Variants in DCAF10 observed in about 807,000 individuals in gnomAD.
The protein encoded by DCAF10 is DDB1- and CUL4-associated factor 10.
Under a neutral mutation model 51.9 loss-of-function variants are expected in DCAF10, and 19 were observed. That is an observed-to-expected ratio of 0.37 (90% CI 0.26 to 0.54). DCAF10 has a LOEUF of 0.54. Ranked by LOEUF, DCAF10 falls within the 20% of genes least tolerant of loss-of-function variation. The probability of loss-of-function intolerance (pLI) is 0.87; values close to 1 mark genes in which losing one functional copy is unlikely to be tolerated. For missense variants in DCAF10, 510 were observed against 730.6 expected, an observed-to-expected ratio of 0.70 and a Z score of 3.48; for synonymous variants, 291 against 297.1, an observed-to-expected ratio of 0.98 and a Z score of 0.21.
intron 2 of DCAF10, among the ~76,000 whole-genome samples, chr9:37,838,438 T>TA (rs77435703): frequency 0.19 from 29,094 of 151,944 alleles, 3,195 homozygotes; most frequent in African/African-American, 0.29. Context: ...AAACTTACAT[T>TA]AAAAAAATCT....
At position 37,825,111 on chromosome 9, in the gene DCAF10, G is replaced by A. The variant is rs935800947; in HGVS notation, c.653+5710G>A. On this transcript the variant is annotated intron_variant, in intron 2 of 6. Transcript: ENST00000377724. The stretch of plus-strand genomic sequence containing the variant: ...AAAATACAGATGCTGGTGAGGTTAC[G>A]GAGAAAAAGGAACACCTATACACTG... Among the ~76,000 whole-genome samples the A allele has an allele frequency of 5.9e-5, 9 of 152,146 alleles. No homozygotes were observed. The East Asian group carries it at 9.6e-4, about 16-fold the overall frequency.
In DCAF10 at chr9:37,817,178, C is replaced by A. The variant is rs141825465; in HGVS notation, c.540-2110C>A. ...CAGCAATAAACAAAGCAATATGTAT[C>A]TTTTAAAAAAATATGTATATTTTAA... On this transcript the variant is annotated intron_variant, in intron 1 of 6. Coordinates refer to ENST00000377724, the MANE Select transcript of DCAF10 (RefSeq NM_024345.5). Among the ~76,000 whole-genome samples the A allele has an allele frequency of 1.2e-4, 18 of 152,208 alleles. No homozygotes were observed. In the East Asian group the frequency reaches 3.1e-3, roughly 26 times the overall value.
At chr9:37,853,271 G>C (rs1830742243) in intron 3 of DCAF10, among the ~76,000 whole-genome samples, 1 of 150,542 alleles carries the variant, frequency 6.6e-6, no homozygotes, top group South Asian at 2.1e-4. Flanking sequence ...CCCAGGCATG[G>C]GTGTGGTGGT....
At chr9:37,827,652 C>T (rs926421139) in intron 2 of DCAF10, among the ~76,000 whole-genome samples, 25 of 152,142 alleles carry the variant, frequency 1.6e-4, no homozygotes, top group African/African-American at 6.0e-4. Context: ...GGCTTTTACC[C>T]TGGAGGCTTC....
Position 37,861,070 on chromosome 9 carries a change from A to T in DCAF10, c.1312-70A>T. 2 of 1,505,548 alleles carry T rather than the reference A, an allele frequency of 1.3e-6. No individual in the cohort carries two copies. Among genetic ancestry groups the T allele is most frequent in the South Asian group, 1.3e-5 (1 of 74,886 alleles). 93.3% of individuals were successfully genotyped at this position (1,505,548 alleles called of 1,614,324 possible). A position where few individuals can be genotyped will look rare whatever the true frequency, so the allele number is the denominator to read the frequency against. On this transcript the variant is annotated intron_variant, in intron 6 of 6. Transcript: ENST00000377724. This position sits in a 1 kb window ranked among gnomAD's most constrained non-coding sequence, Gnocchi z 4.9. ...GCTTTGGCAATCTGTTGAGCTTTTT[A>T]AAAATAAGGAATATCTGTAGCACTA...
chr9:37,805,223 T>C (rs1829075930), intron 1 of DCAF10, among the ~76,000 whole-genome samples: 1 of 152,220 alleles, frequency 6.6e-6, no homozygotes, highest in Non-Finnish European at 1.5e-5. Flanking sequence ...GGTTTATGCC[T>C]GTAATCCCAG....
Position 37,825,705 on chromosome 9 carries a change from A to G in DCAF10, c.653+6304A>G, listed in dbSNP as rs573821817. 3.0e-3 allele frequency among the ~76,000 whole-genome samples: 459 copies of G among 152,236 alleles called. 3 individuals are homozygous for G. The highest frequency in any genetic ancestry group is 0.011 in the African/African-American group (440 of 41,546). On this transcript the variant is annotated intron_variant, in intron 2 of 6. Transcript: ENST00000377724. ...GTTTAGCTATATAACAAACCTACAC[A>G]TGTACCCCTGAACTTAAAAATTTAA...
chr9:37,815,711 A>C (rs186043930), intron 1 of DCAF10, among the ~76,000 whole-genome samples: 2,217 of 151,762 alleles, frequency 0.015, 25 homozygotes, highest in Middle Eastern at 0.037. Flanking sequence ...TCAACCAAAA[A>C]CCCCAAATAA....
At chr9:37,855,031 CAT>C in intron 4 of DCAF10, 49 bp downstream of exon 4, 3 of 1,507,180 alleles carry the variant, frequency 2.0e-6, no homozygotes, top group Non-Finnish European at 2.7e-6. Flanking sequence ...GAATCTCAAA[CAT>C]AGAGATGGTA....
Position 37,801,425 on chromosome 9 carries a change from GGGC to G in DCAF10, c.539+23_539+25del. The stretch of plus-strand genomic sequence containing the variant: ...CGACGGGTAAGCGCGGCCCCTCGGA[GGGC>G]GGGCGCCCGCCTCCGCCCGGCTCTG... On this transcript the variant is annotated intron_variant, in intron 1 of 6. Transcript: ENST00000377724. This position sits in a 1 kb window ranked among gnomAD's most constrained non-coding sequence, Gnocchi z 5.5. The G allele has an allele frequency of 7.0e-7, 1 of 1,431,654 alleles. No individual in the cohort carries two copies. Among genetic ancestry groups the G allele is most frequent in the South Asian group, 1.6e-5 (1 of 64,468 alleles). The allele number at this position is 1,431,654 out of a possible 1,614,324, so 88.7% of individuals were successfully genotyped here. A position where few individuals can be genotyped will look rare whatever the true frequency, so the allele number is the denominator to read the frequency against.
At chr9:37,854,593 C>T (rs942530855) in intron 3 of DCAF10, among the ~76,000 whole-genome samples, 187 bp from the exon 4 acceptor site, 2 of 152,150 alleles carry the variant, frequency 1.3e-5, no homozygotes, top group African/African-American at 2.4e-5. Context: ...TTACTATTAA[C>T]CGTCATCACC....
At chr9:37,802,809 A>G (rs922500521) in intron 1 of DCAF10, among the ~76,000 whole-genome samples, 1 of 152,220 alleles carries the variant, frequency 6.6e-6, no homozygotes, top group Non-Finnish European at 1.5e-5. Flanking sequence ...AAACTTATTC[A>G]TGGAACCTCG....
Position 37,842,166 on chromosome 9 carries a change from C to A in DCAF10, c.731C>A (p.Thr244Asn). 6.2e-7 allele frequency: 1 copy of A among 1,613,872 alleles called. No homozygotes were observed. The highest frequency in any genetic ancestry group is 8.5e-7 in the Non-Finnish European group (1 of 1,179,924). The change falls in exon 3 of 7, where the codon ACC becomes AAC. Residue 244 changes from threonine (T) to asparagine (N), a missense_variant. Coordinates refer to ENST00000377724, the MANE Select transcript of DCAF10 (RefSeq NM_024345.5). ...IALWDLRKLNTKVCTLHGHTS... is the reference protein window; with the variant it reads ...IALWDLRKLNNKVCTLHGHTS... ...CTATGGGATCTGAGAAAATTGAACACCAAAGTATGCACTTTACATGGTCAC... is the reference window on the plus strand; with the variant it reads ...CTATGGGATCTGAGAAAATTGAACAACAAAGTATGCACTTTACATGGTCAC...
At chr9:37,857,131 G>T in intron 4 of DCAF10, 110 bp from the exon 5 acceptor site, 1 of 772,262 alleles carries the variant, frequency 1.3e-6, no homozygotes, top group Non-Finnish European at 2.0e-6. Flanking sequence ...AGTGATATAT[G>T]AGCATTTTTT....
rs1331149492 is a variant in DCAF10 at position 37,864,058 on chromosome 9, G to A, written c.*2550G>A. On this transcript the variant is annotated 3_prime_UTR_variant, in exon 7 of 7. Coordinates refer to ENST00000377724, the MANE Select transcript of DCAF10 (RefSeq NM_024345.5). ...CCCAGCACTTTGGGAGGCCAAGGTG[G>A]GAGGTTCACTTGAGCCCAGGAGTTC... The A allele has an allele frequency of 1.3e-5, 2 of 152,148 alleles. No homozygotes were observed. Among genetic ancestry groups the A allele is most frequent in the Non-Finnish European group, 2.9e-5 (2 of 68,058 alleles). 9.4% of individuals were successfully genotyped at this position (152,148 alleles called of 1,614,324 possible).
chr9:37,852,895 T>TAA (rs949068161), intron 3 of DCAF10, among the ~76,000 whole-genome samples: 1 of 147,376 alleles, frequency 6.8e-6, no homozygotes, highest in Non-Finnish European at 1.5e-5. Flanking sequence ...AAGTAGATTT[T>TAA]AAGTGTTATC....
In DCAF10 at chr9:37,801,166, A is replaced by G. The variant is rs1387456281; in HGVS notation, c.300A>G (p.Pro100=). The part of the protein sequence containing the change: ...PPSPPCRRPG[P]DCRAKSRGRH... ...CCCCTCCGTGCCGGCGGCCCGGGCC[A>G]GACTGCAGGGCCAAGAGCCGGGGCC... Residue 100 remains proline, a synonymous_variant, in exon 1 of 7, where the codon CCA becomes CCG. Transcript: ENST00000377724. The surrounding 1 kb of genome is among the most constrained non-coding windows in gnomAD (Gnocchi z 5.5). 2 of 1,538,890 alleles carry G rather than the reference A, an allele frequency of 1.3e-6. No homozygotes were observed. The highest frequency in any genetic ancestry group is 2.8e-5 in the African/African-American group (2 of 70,308).
intron 2 of DCAF10, among the ~76,000 whole-genome samples, chr9:37,823,513 G>A (rs1014323980): frequency 6.6e-6 from 1 of 152,002 alleles, no homozygotes; most frequent in African/African-American, 2.4e-5. Context: ...GTTATGTCCA[G>A]GGAAACTGTT....
intron 3 of DCAF10, among the ~76,000 whole-genome samples, chr9:37,842,523 TA>T (rs1433641555): frequency 6.6e-6 from 1 of 152,118 alleles, no homozygotes; most frequent in Non-Finnish European, 1.5e-5. Flanking sequence ...AACTGGCTTA[TA>T]AAAAAAGAGT....
Sources: allele counts gnomAD v4.1 joint callset (sites outside exome capture counted in the v4.1 genomes callset), GRCh38; gene constraint gnomAD v4.1.1; non-coding constraint Gnocchi (gnomAD v3.1); transcripts MANE v1.5; gene names NCBI Gene and HGNC (gene_info 2026-07-23, HGNC 2026-07-21).